Variants in MYOM1 observed in about 807,000 individuals in gnomAD.
MYOM1 encodes myomesin 1, also known as myomesin-1.
In MYOM1, 164 loss-of-function variants were observed where a neutral mutation model predicts 205.3. The observed-to-expected ratio is 0.80, with a 90% confidence interval of 0.70 to 0.91. The LOEUF (loss-of-function observed/expected upper bound fraction) is 0.91. MYOM1 is among the 40% of genes least tolerant of loss of function. The pLI, the probability that MYOM1 is intolerant of heterozygous loss-of-function variation, is 0.00. For missense variants in MYOM1, 2,011 were observed against 2,127.3 expected (o/e 0.95, Z 1.08); for synonymous variants, 772 against 789.4 (o/e 0.98, Z 0.37).
intron 22 of MYOM1, among the ~76,000 whole-genome samples, chr18:3,104,929 T>G (rs1400640533): frequency 2.0e-5 from 3 of 151,972 alleles, no homozygotes; most frequent in Non-Finnish European, 2.9e-5. Context: ...TTGCATTTTT[T>G]GTAGGGACAG....
chr18:3,244,756 A>G, the MYOM1 span, among the ~76,000 whole-genome samples: 5 of 151,630 alleles, frequency 3.3e-5, no homozygotes, highest in Non-Finnish European at 7.4e-5. Flanking sequence ...AAAATTAGCC[A>G]GGCGTGGTGG....
the MYOM1 span, among the ~76,000 whole-genome samples, chr18:3,232,045 C>A: frequency 6.6e-6 from 1 of 151,490 alleles, no homozygotes; most frequent in Non-Finnish European, 1.5e-5. Flanking sequence ...AAAAGTAGAA[C>A]CCGGCCAGGA....
At chr18:3,235,966 T>C in the MYOM1 span, among the ~76,000 whole-genome samples, 719 of 152,340 alleles carry the variant, frequency 4.7e-3, 3 homozygotes, top group Non-Finnish European at 5.7e-3. Flanking sequence ...TGGAAAGTTA[T>C]GTGACTTGTT....
rs931124361 is a variant in MYOM1, at chr18:3,100,021, G to A, written c.3727+138C>T. On this transcript the variant is annotated intron_variant, in intron 25 of 37. Transcript: ENST00000356443. ...GGCATCACTTCTAGAAAGCACATCT[G>A]TAGCTACTGATGTGTGTTCCATTAT... 12 of 845,524 alleles carry A rather than the reference G, an allele frequency of 1.4e-5. No homozygotes were observed. In the Admixed American group the frequency reaches 1.9e-4, roughly 14 times the overall value. 52.4% of individuals were successfully genotyped at this position (845,524 alleles called of 1,614,324 possible).
Position 3,090,805 on chromosome 18 carries a change from T to C in MYOM1, c.3865-3A>G, listed in dbSNP as rs112709936. On this transcript the variant is annotated splice_region_variant and splice_polypyrimidine_tract_variant and intron_variant, in intron 26 of 37. Coordinates refer to ENST00000356443, the MANE Select transcript of MYOM1 (RefSeq NM_003803.4). ...CGGTCAATATGCATTTTATATTTCT[T>C]CAGTGTGAAAAGAAAATGACAGAGA... is the stretch of plus-strand genomic sequence containing the variant. 6.2e-7 allele frequency: 1 copy of C among 1,613,850 alleles called. No individual in the cohort carries two copies. The highest frequency in any genetic ancestry group is 8.5e-7 in the Non-Finnish European group (1 of 1,179,808).
the MYOM1 span, among the ~76,000 whole-genome samples, chr18:3,244,192 C>T: frequency 1.3e-5 from 2 of 152,170 alleles, no homozygotes; most frequent in Non-Finnish European, 2.9e-5. Context: ...AAAACTGTCT[C>T]TCCAGACATC....
intron 9 of MYOM1, among the ~76,000 whole-genome samples, chr18:3,166,395 T>C (rs2080472221): frequency 6.6e-6 from 1 of 151,682 alleles, no homozygotes. Context: ...CTCAGCCTCC[T>C]GAGTAGCTGG....
intron 25 of MYOM1, among the ~76,000 whole-genome samples, chr18:3,098,239 T>C (rs2079330848): frequency 6.6e-6 from 1 of 152,186 alleles, no homozygotes; most frequent in Non-Finnish European, 1.5e-5. Context: ...ATCAATACCA[T>C]ATTTATTATC....
chr18:3,111,700 T>C (rs946967430), intron 22 of MYOM1, among the ~76,000 whole-genome samples: 1 of 152,230 alleles, frequency 6.6e-6, no homozygotes, highest in African/African-American at 2.4e-5. Flanking sequence ...ATAATGTGCA[T>C]GATAAAGTTT....
rs1567930143 is a variant in MYOM1, at chr18:3,141,947, CA to C, written c.2016del (p.Phe672LeufsTer15). 2 of 1,613,788 alleles carry C rather than the reference CA, an allele frequency of 1.2e-6. No homozygotes were observed. Among genetic ancestry groups the C allele is most frequent in the African/African-American group, 2.7e-5 (2 of 75,004 alleles). ...TGATTCTAGAGTCTTACCTTTTCCA[CA>C]AAGTACATAATGCCCTCATGACCAC... Reference protein sequence around the residue: ...GQRGHEGIMYFVEKCEAGTEN... With the variant: ...GQRGHEGIMYXVEKCEAGTEN... On this transcript the variant is annotated frameshift_variant, in exon 14 of 38. Transcript: ENST00000356443. LOFTEE classifies it high-confidence loss of function.
chr18:3,176,764 C>T (rs2080646607), intron 5 of MYOM1, among the ~76,000 whole-genome samples: 1 of 151,976 alleles, frequency 6.6e-6, no homozygotes, highest in South Asian at 2.1e-4. Flanking sequence ...CACCTGTAAT[C>T]CCAGCTACTC....
At chr18:3,187,763 T>C in intron 4 of MYOM1, 126 bp from the exon 5 acceptor site, 3 of 845,120 alleles carry the variant, frequency 3.5e-6, no homozygotes, top group Non-Finnish European at 5.3e-6. Context: ...TAATTTTTTG[T>C]AGAGAAAATG....
chr18:3,086,100 C>T lies in MYOM1; in HGVS notation c.4189G>A (p.Glu1397Lys), dbSNP rs939002967. 3 of 1,612,110 alleles carry T rather than the reference C, an allele frequency of 1.9e-6. No homozygotes were observed. The highest frequency in any genetic ancestry group is 4.5e-5 in the East Asian group (2 of 44,796). The change falls in exon 30 of 38, where the codon GAG (glutamate) becomes AAG (lysine). Residue 1397 changes from glutamate (E) to lysine (K), a missense_variant. Transcript: ENST00000356443. ...THIVWYKDER[E>K]ISVDEKHDFK... ...TCATGCTTTTCATCCACTGATATCT[C>T]CCTCTCATCTTTGTACCACACAATA...
rs966511475 is a variant in MYOM1, at chr18:3,174,223, G to A, written c.1023-15C>T. The A allele has an allele frequency of 3.7e-6, 6 of 1,603,726 alleles. No homozygotes were observed. Among genetic ancestry groups the A allele is most frequent in the East Asian group, 4.5e-5 (2 of 44,808 alleles). The stretch of plus-strand genomic sequence containing the variant: ...CAAAATCACATCTGAAAGAACAGAC[G>A]GAAATGAATATCCATCGTAGTGACA... On this transcript the variant is annotated splice_polypyrimidine_tract_variant and intron_variant, in intron 6 of 37. Coordinates refer to ENST00000356443, the MANE Select transcript of MYOM1 (RefSeq NM_003803.4).
In MYOM1 at chr18:3,086,127, G is replaced by T; in HGVS notation, c.4162C>A (p.His1388Asn). Residue 1388 changes from histidine to asparagine, a missense_variant, in exon 30 of 38, where the codon CAT becomes AAT. Transcript: ENST00000356443. ...CKVANIKKETHIVWYKDEREI... is the reference protein window; with the variant it reads ...CKVANIKKETNIVWYKDEREI... Reference sequence around the variant, plus strand: ...CTCTCATCTTTGTACCACACAATATGAGTCTCCTTCTTAATATTTGCCACC... The same window carrying T: ...CTCTCATCTTTGTACCACACAATATTAGTCTCCTTCTTAATATTTGCCACC... The T allele has an allele frequency of 6.2e-7, 1 of 1,606,462 alleles. No homozygotes were observed. The highest frequency in any genetic ancestry group is 8.5e-7 in the Non-Finnish European group (1 of 1,177,328).
chr18:3,155,895 C>A (rs745503194), intron 10 of MYOM1, among the ~76,000 whole-genome samples: 2 of 152,138 alleles, frequency 1.3e-5, no homozygotes, highest in East Asian at 3.9e-4. Context: ...TCGTTTTAAT[C>A]AAATGATTGT....
intron 2 of MYOM1, among the ~76,000 whole-genome samples, chr18:3,202,087 T>G (rs556947137): frequency 3.2e-4 from 49 of 152,330 alleles, no homozygotes; most frequent in Admixed American, 3.2e-3. Context: ...AGAGGAAAGT[T>G]TCTATGTTTA....
intron 12 of MYOM1, among the ~76,000 whole-genome samples, chr18:3,149,653 T>A: frequency 6.6e-6 from 1 of 152,142 alleles, no homozygotes; most frequent in East Asian, 1.9e-4. Flanking sequence ...GCGGTAAAGC[T>A]CAGCAAAGCA....
rs1555625522 is a variant in MYOM1 at position 3,164,021 on chromosome 18, C to CA, written c.1501+256dup. Among the ~76,000 whole-genome samples, 43,743 of 118,578 alleles carry CA rather than the reference C, an allele frequency of 0.37. 6,519 individuals are homozygous for CA. Among genetic ancestry groups the CA allele is most frequent in the African/African-American group, 0.45 (14,725 of 32,380 alleles). The allele number at this position is 118,578 out of a possible 152,430, so 77.8% of individuals were successfully genotyped here. ...GTGCATGCCGCCATGCCCAGCTAAT[C>CA]AAAAAAATTTTTTTTTGTAGAAATG... On this transcript the variant is annotated intron_variant, in intron 10 of 37. Transcript: ENST00000356443.
Sources: allele counts gnomAD v4.1 joint callset (sites outside exome capture counted in the v4.1 genomes callset), GRCh38; gene constraint gnomAD v4.1.1; transcripts MANE v1.5; gene names NCBI Gene and HGNC (gene_info 2026-07-23, HGNC 2026-07-21).